Variants in PTPRG observed in about 807,000 individuals in gnomAD.
PTPRG encodes the protein protein tyrosine phosphatase receptor type G.
In PTPRG, 102 loss-of-function variants were observed where a neutral mutation model predicts 165.3. That is an observed-to-expected ratio of 0.62 (90% CI 0.53 to 0.73). The LOEUF (loss-of-function observed/expected upper bound fraction) is 0.73, where lower values mean the gene tolerates loss of function less well. PTPRG is among the 30% of genes least tolerant of loss of function. PTPRG has a pLI of 0.00. For missense variants in PTPRG, 1,866 were observed against 1,861.4 expected (o/e 1.00, Z -0.05); for synonymous variants, 675 against 669.5 (o/e 1.01, Z -0.13).
At chr3:61,656,043 C>T (rs747868773) in intron 1 of PTPRG, among the ~76,000 whole-genome samples, 1 of 150,296 alleles carries the variant, frequency 6.7e-6, no homozygotes, top group South Asian at 2.1e-4. Context: ...AGCAAGACCC[C>T]CCCCCCCCCG....
intron 1 of PTPRG, among the ~76,000 whole-genome samples, chr3:61,595,073 A>G: frequency 6.6e-6 from 1 of 152,018 alleles, no homozygotes. Context: ...CAAAACACAC[A>G]GATGACGGTC....
At chr3:62,007,046 C>T (rs1044586779) in intron 4 of PTPRG, among the ~76,000 whole-genome samples, 3 of 152,206 alleles carry the variant, frequency 2.0e-5, no homozygotes, top group African/African-American at 7.2e-5. Context: ...AACAGCATTG[C>T]TGTTCCTGGT....
At chr3:62,135,133 G>A (rs1703658830) in intron 6 of PTPRG, among the ~76,000 whole-genome samples, 1 of 151,862 alleles carries the variant, frequency 6.6e-6, no homozygotes, top group Non-Finnish European at 1.5e-5. Context: ...AATTAACTAG[G>A]CGTGATGGTA....
intron 2 of PTPRG, among the ~76,000 whole-genome samples, chr3:61,983,154 G>C (rs1477242087): frequency 6.6e-6 from 1 of 152,078 alleles, no homozygotes; most frequent in Non-Finnish European, 1.5e-5. Flanking sequence ...TGCCTTTTAA[G>C]ACTTTTTCCA....
At chr3:61,824,107 G>A (rs1351383640) in intron 2 of PTPRG, among the ~76,000 whole-genome samples, 1 of 151,670 alleles carries the variant, frequency 6.6e-6, no homozygotes, top group Admixed American at 6.6e-5. Flanking sequence ...CAGCCTGGGC[G>A]ACAGAGCGAG....
At chr3:61,570,390 C>T (rs764396687) in intron 1 of PTPRG, among the ~76,000 whole-genome samples, 13 of 151,678 alleles carry the variant, frequency 8.6e-5, no homozygotes, top group South Asian at 4.2e-4. Flanking sequence ...TGAATTCTAG[C>T]AACTAAAAAA....
intron 4 of PTPRG, among the ~76,000 whole-genome samples, chr3:62,018,500 C>T (rs1196859109): frequency 1.3e-5 from 2 of 152,150 alleles, no homozygotes; most frequent in East Asian, 1.9e-4. Context: ...ACTCTCTTTC[C>T]AGTTGGCCAA....
chr3:62,122,211 A>G (rs1576029060), intron 5 of PTPRG, among the ~76,000 whole-genome samples: 1 of 152,172 alleles, frequency 6.6e-6, no homozygotes, highest in East Asian at 1.9e-4. Context: ...TAGCTCCCTA[A>G]AAACAGTTTT....
intron 4 of PTPRG, among the ~76,000 whole-genome samples, chr3:62,038,638 T>C (rs1374791730): frequency 6.6e-6 from 1 of 152,190 alleles, no homozygotes; most frequent in African/African-American, 2.4e-5. Flanking sequence ...TGAAGTAATC[T>C]TCCTGACTTG....
intron 2 of PTPRG, among the ~76,000 whole-genome samples, chr3:61,816,707 G>A (rs1327920426): frequency 6.6e-6 from 1 of 151,886 alleles, no homozygotes; most frequent in Non-Finnish European, 1.5e-5. Flanking sequence ...AATTGAGGAG[G>A]CACATGGATG....
intron 1 of PTPRG, among the ~76,000 whole-genome samples, chr3:61,573,507 G>T (rs544191218): frequency 1.3e-5 from 2 of 152,330 alleles, no homozygotes; most frequent in South Asian, 4.1e-4. Context: ...ACAGATGGAA[G>T]ATTTGAGGGG....
intron 13 of PTPRG, among the ~76,000 whole-genome samples, chr3:62,223,341 G>C (rs1700691097): frequency 6.6e-6 from 1 of 152,238 alleles, no homozygotes; most frequent in Non-Finnish European, 1.5e-5. Flanking sequence ...CAGCTGTGGA[G>C]CATGTGTTCC....
Position 62,232,742 on chromosome 3 carries a change from C to G in PTPRG, c.2375+1431C>G, listed in dbSNP as rs150708589. 9.2e-5 allele frequency among the ~76,000 whole-genome samples: 14 copies of G among 152,332 alleles called. No individual in the cohort carries two copies. The East Asian group carries it at 2.1e-3, about 23-fold the overall frequency. ...GATGCCCCAGTCTCTCTGGTATCTT[C>G]TCTGCTGCTCAGTGAAGGAAGCACA... On this transcript the variant is annotated intron_variant, in intron 14 of 29. Transcript: ENST00000474889.
At chr3:61,693,099 G>A (rs2030327343) in intron 1 of PTPRG, among the ~76,000 whole-genome samples, 1 of 152,146 alleles carries the variant, frequency 6.6e-6, no homozygotes, top group South Asian at 2.1e-4. Context: ...AACAATGGAA[G>A]AATATTAAAA....
At chr3:61,701,700 C>G (rs1244689452) in intron 1 of PTPRG, among the ~76,000 whole-genome samples, 2 of 152,030 alleles carry the variant, frequency 1.3e-5, no homozygotes, top group African/African-American at 2.4e-5. Context: ...GAGTTCAGGA[C>G]CAGCCTGGCA....
At position 62,245,166 on chromosome 3, in the gene PTPRG, C is replaced by T. The variant is rs1236230324; in HGVS notation, c.2467+1268C>T. On this transcript the variant is annotated intron_variant, in intron 15 of 29. Coordinates refer to ENST00000474889, the MANE Select transcript of PTPRG (RefSeq NM_002841.4). This position sits in a 1 kb window ranked among gnomAD's most constrained non-coding sequence, Gnocchi z 4.2. ...ATTTTGTGGCTGCTAAACTAATTCT[C>T]ATAAAGATAGGATAAGTTTTGTGTT... Among the ~76,000 whole-genome samples the T allele has an allele frequency of 1.3e-5, 2 of 152,172 alleles. No individual in the cohort carries two copies. The highest frequency in any genetic ancestry group is 2.9e-5 in the Non-Finnish European group (2 of 68,026).
At chr3:61,852,445 C>G (rs1365601315) in intron 2 of PTPRG, among the ~76,000 whole-genome samples, 4 of 152,198 alleles carry the variant, frequency 2.6e-5, no homozygotes, top group Non-Finnish European at 4.4e-5. Context: ...AGACACAGAT[C>G]TATGTTTAGA....
rs1167337510 is a variant in PTPRG at position 62,295,521 on chromosome 3, G to A, written c.*2214G>A. 2 of 152,034 alleles carry A rather than the reference G, an allele frequency of 1.3e-5. No individual in the cohort carries two copies. Among genetic ancestry groups the A allele is most frequent in the African/African-American group, 4.8e-5 (2 of 41,398 alleles). 9.4% of individuals were successfully genotyped at this position (152,034 alleles called of 1,614,324 possible). A position where few individuals can be genotyped will look rare whatever the true frequency, so the allele number is the denominator to read the frequency against. ...TATTCCCTCCTGTGCTATTTATAGA[G>A]GGCTCAATTCGTAGAAAGGCATACC... On this transcript the variant is annotated 3_prime_UTR_variant, in exon 30 of 30. Transcript: ENST00000474889.
intron 14 of PTPRG, 110 bp from the exon 15 acceptor site, chr3:62,243,697 G>A (rs1292791427): frequency 4.3e-6 from 3 of 690,650 alleles, no homozygotes; most frequent in Non-Finnish European, 7.2e-6. Flanking sequence ...TTTACCCTCA[G>A]TGCTGTGTGA....
Sources: gnomAD v4.1 joint callset for allele counts (sites outside exome capture counted in the v4.1 genomes callset) on GRCh38, gnomAD v4.1.1 for gene constraint, Gnocchi (gnomAD v3.1) non-coding constraint, MANE v1.5 for transcripts, NCBI Gene and HGNC (gene_info 2026-07-23, HGNC 2026-07-21) for gene names.